NCALD: variants seen among roughly 807,000 people sequenced by gnomAD.
NCALD encodes the protein neurocalcin-delta.
A neutral mutation model predicts 18.6 loss-of-function variants in NCALD; 10 were observed. That is an observed-to-expected ratio of 0.54 (90% CI 0.33 to 0.91). The LOEUF is 0.91. NCALD is among the 40% of genes least tolerant of loss of function. NCALD has a pLI of 0.03. For synonymous variants in NCALD, 88 were observed against 87.4 expected (o/e 1.01, Z -0.04); for missense variants, 184 against 247.6 (o/e 0.74, Z 1.72).
chr8:101,919,894 G>A (rs1184385839), intron 2 of NCALD, among the ~76,000 whole-genome samples: 1 of 152,140 alleles, frequency 6.6e-6, no homozygotes, highest in Non-Finnish European at 1.5e-5. Context: ...AGATGCTGGT[G>A]AGGCTACAAA....
intron 2 of NCALD, among the ~76,000 whole-genome samples, chr8:101,954,370 T>C (rs923667405): frequency 6.6e-6 from 1 of 152,196 alleles, no homozygotes; most frequent in African/African-American, 2.4e-5. Flanking sequence ...TTCCCAGCCC[T>C]GAGCCCGAGG....
chr8:101,691,898 G>A (rs911066235), intron 3 of NCALD: 5 of 985,314 alleles, frequency 5.1e-6, no homozygotes, highest in Non-Finnish European at 6.0e-6. Context: ...AACAGATCGG[G>A]TGAGCTGATA....
chr8:102,031,374 G>C (rs1822664343), intron 1 of NCALD, among the ~76,000 whole-genome samples: 1 of 152,190 alleles, frequency 6.6e-6, no homozygotes, highest in South Asian at 2.1e-4. Flanking sequence ...GAGATGCATA[G>C]CTGGGCAACT....
chr8:101,859,930 T>C (rs1208908170), intron 4 of NCALD, among the ~76,000 whole-genome samples: 1 of 152,204 alleles, frequency 6.6e-6, no homozygotes, highest in East Asian at 1.9e-4. Flanking sequence ...ATAGGGCATA[T>C]CATTGTGAAA....
intron 4 of NCALD, among the ~76,000 whole-genome samples, chr8:101,844,471 C>T (rs535260044): frequency 6.6e-6 from 1 of 152,008 alleles, no homozygotes; most frequent in African/African-American, 2.4e-5. Flanking sequence ...AATCCTTCTG[C>T]CTCATTTTCC....
At position 101,939,088 on chromosome 8, in the gene NCALD, GAA is replaced by G. The variant is rs1274076939; in HGVS notation, c.-156-23232_-156-23231del. On this transcript the variant is annotated intron_variant, in intron 2 of 6. Coordinates refer to the NCALD transcript ENST00000311028. ...TTATCGCTGTAGCCTGAGGCCAAAA[GAA>G]AAAGTCTTCTACTTTAGTCAATGAG... 2.0e-5 allele frequency among the ~76,000 whole-genome samples: 3 copies of G among 152,262 alleles called. No individual in the cohort carries two copies. In the East Asian group the frequency reaches 5.8e-4, roughly 29 times the overall value.
chr8:102,050,078 C>T (rs1349973864), intron 1 of NCALD, among the ~76,000 whole-genome samples: 2 of 141,910 alleles, frequency 1.4e-5, no homozygotes, highest in African/African-American at 2.6e-5. Flanking sequence ...AGGAGAATGG[C>T]GTGAACCCGG....
At chr8:102,045,295 A>T (rs1014687947) in intron 1 of NCALD, among the ~76,000 whole-genome samples, 1 of 152,170 alleles carries the variant, frequency 6.6e-6, no homozygotes, top group Admixed American at 6.5e-5. Flanking sequence ...TTCAAATCAC[A>T]TCTCAACTTC....
chr8:101,961,048 G>T (rs1819815744), intron 2 of NCALD, among the ~76,000 whole-genome samples: 1 of 152,052 alleles, frequency 6.6e-6, no homozygotes, highest in Admixed American at 6.6e-5. Flanking sequence ...TTTAATCATT[G>T]TCTACTGTTC....
chr8:102,088,281 G>T (rs1373839408), intron 1 of NCALD, among the ~76,000 whole-genome samples: 1 of 152,122 alleles, frequency 6.6e-6, no homozygotes, highest in Admixed American at 6.6e-5. Context: ...TTTAATATCT[G>T]CATGACCTTT....
chr8:101,817,734 C>T (rs776097173), intron 4 of NCALD, among the ~76,000 whole-genome samples: 17 of 152,100 alleles, frequency 1.1e-4, no homozygotes, highest in Admixed American at 8.5e-4. Context: ...GCATTGTTCC[C>T]GACAGGTCAG....
intron 1 of NCALD, among the ~76,000 whole-genome samples, chr8:102,068,714 T>C (rs1030257737): frequency 1.3e-5 from 2 of 151,204 alleles, no homozygotes; most frequent in Non-Finnish European, 3.0e-5. Context: ...TTCTTTTTTT[T>C]CCTCTCTTGG....
chr8:101,933,881 G>A (rs1482220695), intron 2 of NCALD, among the ~76,000 whole-genome samples: 1 of 152,208 alleles, frequency 6.6e-6, no homozygotes, highest in African/African-American at 2.4e-5. Flanking sequence ...TAGCACGTAA[G>A]TGATGGTTGA....
At chr8:101,880,536 G>A (rs999833058) in intron 4 of NCALD, among the ~76,000 whole-genome samples, 3 of 152,218 alleles carry the variant, frequency 2.0e-5, no homozygotes, top group African/African-American at 4.8e-5. Context: ...GAGTGAGTGA[G>A]GGCTGTGAGG....
chr8:102,044,515 A>C (rs914248021), intron 1 of NCALD, among the ~76,000 whole-genome samples: 3 of 152,238 alleles, frequency 2.0e-5, no homozygotes, highest in Non-Finnish European at 4.4e-5. Flanking sequence ...ACCATTTCTA[A>C]AATCTCAAAG....
intron 2 of NCALD, among the ~76,000 whole-genome samples, chr8:102,014,138 G>A (rs760194325): frequency 2.6e-4 from 40 of 152,260 alleles, no homozygotes; most frequent in Middle Eastern, 3.4e-3. Context: ...CTGTCCATTT[G>A]GGCTGCTATA....
At chr8:101,759,091 C>A (rs189457023) in intron 1 of NCALD, among the ~76,000 whole-genome samples, 30 of 152,254 alleles carry the variant, frequency 2.0e-4, no homozygotes, top group Admixed American at 1.9e-3. Context: ...ATTCAACCAG[C>A]CAAGCACACC....
At chr8:101,844,022 T>C (rs147703659) in intron 4 of NCALD, among the ~76,000 whole-genome samples, 1,673 of 152,362 alleles carry the variant, frequency 0.011, 16 homozygotes, top group Middle Eastern at 0.037. Context: ...CTTGCCAGTC[T>C]TTTTAAAGTC....
At chr8:102,012,493 G>A (rs1215963770) in intron 2 of NCALD, among the ~76,000 whole-genome samples, 3 of 152,350 alleles carry the variant, frequency 2.0e-5, no homozygotes, top group African/African-American at 7.2e-5. Flanking sequence ...CGACAAGGAC[G>A]TAAGGAGAGG....
Sources: gnomAD v4.1 joint callset for allele counts (sites outside exome capture counted in the v4.1 genomes callset) on GRCh38, gnomAD v4.1.1 for gene constraint, MANE v1.5 for transcripts, NCBI Gene and HGNC (gene_info 2026-07-23, HGNC 2026-07-21) for gene names.